PCDH15: variants seen among roughly 807,000 people sequenced by gnomAD.
PCDH15 encodes protocadherin-15.
A neutral mutation model predicts 178.5 loss-of-function variants in PCDH15; 129 were observed. The observed-to-expected ratio is 0.72, with a 90% CI of 0.63 to 0.84. PCDH15 has a LOEUF of 0.84. Ranked by LOEUF, PCDH15 falls within the 40% of genes least tolerant of loss-of-function variation. The pLI is 0.00. For synonymous variants in PCDH15, 800 were observed against 732.0 expected, an observed-to-expected ratio of 1.09 and a Z score of -1.50; for missense variants, 2,230 against 2,099.9, an observed-to-expected ratio of 1.06 and a Z score of -1.21.
intron 3 of PCDH15, among the ~76,000 whole-genome samples, chr10:54,477,555 T>C (rs1395196696): frequency 6.6e-6 from 1 of 152,192 alleles, no homozygotes; most frequent in East Asian, 1.9e-4. Flanking sequence ...TACATTCTTA[T>C]AAAGCATGTG....
intron 1 of PCDH15, among the ~76,000 whole-genome samples, chr10:54,736,800 G>T (rs1181320530): frequency 6.6e-6 from 1 of 152,056 alleles, no homozygotes; most frequent in African/African-American, 2.4e-5. Flanking sequence ...TGATTCTAGA[G>T]AATAGGGTGT....
At chr10:55,159,409 T>C (rs12782018) in intron 2 of PCDH15, among the ~76,000 whole-genome samples, 78,096 of 145,798 alleles carry the variant, frequency 0.54, 23,206 homozygotes, top group Non-Finnish European at 0.67. Context: ...ACATTATATA[T>C]ATTATAAAGA....
At chr10:54,923,930 A>G (rs1391706257) in intron 2 of PCDH15, among the ~76,000 whole-genome samples, 1 of 138,106 alleles carries the variant, frequency 7.2e-6, no homozygotes, top group Non-Finnish European at 1.7e-5. Flanking sequence ...AGGTATCTTT[A>G]TAACAAAGCC....
Position 53,991,380 on chromosome 10 carries a change from C to T in PCDH15, c.2868+4269G>A, listed in dbSNP as rs551109837. ...TGGGGTTCGTGGATGCACCAATCAG[C>T]ACTCTGTATCTAGTTAATCTGGTGG... On this transcript the variant is annotated intron_variant, in intron 21 of 37. Transcript: ENST00000644397. 3.9e-4 allele frequency among the ~76,000 whole-genome samples: 59 copies of T among 152,080 alleles called. No individual in the cohort carries two copies. The South Asian group carries it at 0.012, about 32-fold the overall frequency.
intron 2 of PCDH15, among the ~76,000 whole-genome samples, chr10:55,461,986 T>C (rs967334340): frequency 1.3e-5 from 2 of 152,120 alleles, no homozygotes; most frequent in African/African-American, 4.8e-5. Flanking sequence ...CACCCATTAA[T>C]GGTCAAGACC....
intron 2 of PCDH15, among the ~76,000 whole-genome samples, chr10:54,941,041 C>T (rs1393842327): frequency 6.6e-6 from 1 of 151,858 alleles, no homozygotes. Flanking sequence ...AGATTTATGT[C>T]TTCCATTTTA....
At chr10:55,187,861 C>A (rs1441080002) in intron 1 of PCDH15, among the ~76,000 whole-genome samples, 1 of 151,844 alleles carries the variant, frequency 6.6e-6, no homozygotes, top group East Asian at 1.9e-4. Context: ...AAAGTCATCA[C>A]AATTTGAGAG....
At chr10:55,512,154 C>T (rs1269817374) in intron 2 of PCDH15, among the ~76,000 whole-genome samples, 2 of 151,986 alleles carry the variant, frequency 1.3e-5, no homozygotes, top group Non-Finnish European at 2.9e-5. Flanking sequence ...TTTCTTAAAT[C>T]AAAATGGTGT....
At chr10:54,916,047 C>T (rs375714450) in intron 2 of PCDH15, among the ~76,000 whole-genome samples, 1 of 152,006 alleles carries the variant, frequency 6.6e-6, no homozygotes, top group Non-Finnish European at 1.5e-5. Flanking sequence ...AGGCTGGTCT[C>T]GAACTCCTGA....
At chr10:54,216,328 C>T (rs113770954) in intron 9 of PCDH15, among the ~76,000 whole-genome samples, 4,505 of 151,990 alleles carry the variant, frequency 0.03, 249 homozygotes, top group African/African-American at 0.1. Context: ...TGATGGCGCA[C>T]GCCTGTAATC....
At chr10:54,257,923 T>C (rs1322499823) in intron 8 of PCDH15, among the ~76,000 whole-genome samples, 2 of 152,168 alleles carry the variant, frequency 1.3e-5, no homozygotes, top group Non-Finnish European at 2.9e-5. Context: ...AGAGTCTCTA[T>C]TCACAGTCCT....
At chr10:55,522,416 T>C (rs544505759) in intron 2 of PCDH15, among the ~76,000 whole-genome samples, 69 of 151,960 alleles carry the variant, frequency 4.5e-4, no homozygotes, top group Middle Eastern at 3.4e-3. Flanking sequence ...AGTGGGGCAT[T>C]CAAATTCCAT....
At chr10:55,212,504 C>G (rs1840595628) in intron 1 of PCDH15, among the ~76,000 whole-genome samples, 1 of 151,920 alleles carries the variant, frequency 6.6e-6, no homozygotes, top group African/African-American at 2.4e-5. Flanking sequence ...GGGTGATACT[C>G]CAGACAATGA....
At position 55,262,166 on chromosome 10, in the gene PCDH15, G is replaced by A. The variant is rs72803827; in HGVS notation, c.-156+57433C>T. On this transcript the variant is annotated intron_variant, in intron 1 of 5. Transcript: ENST00000458638. ...GAAGGAGTGTGAGGAGAGGAGATGG[G>A]GGGAGGGAGGGAGGGAAAGGGAGTG... 1.5e-3 allele frequency among the ~76,000 whole-genome samples: 206 copies of A among 134,770 alleles called. 1 individual carries two copies. Among genetic ancestry groups the A allele is most frequent in the Non-Finnish European group, 2.9e-3 (178 of 62,084 alleles). The allele number at this position is 134,770 out of a possible 152,430, so 88.4% of individuals were successfully genotyped here. A position where few individuals can be genotyped will look rare whatever the true frequency, so the allele number is the denominator to read the frequency against.
chr10:55,330,378 A>G (rs774367286), intron 2 of PCDH15, among the ~76,000 whole-genome samples: 12 of 151,844 alleles, frequency 7.9e-5, no homozygotes, highest in Non-Finnish European at 1.3e-4. Flanking sequence ...TGTAAAGAAC[A>G]TTGTTGATAA....
At chr10:54,139,586 A>G (rs550467950) in intron 14 of PCDH15, among the ~76,000 whole-genome samples, 12 of 152,284 alleles carry the variant, frequency 7.9e-5, no homozygotes, top group African/African-American at 2.6e-4. Context: ...TCTGATAGTC[A>G]GCTCAGAATT....
intron 3 of PCDH15, among the ~76,000 whole-genome samples, chr10:54,384,544 GA>G (rs1453107340): frequency 6.6e-6 from 1 of 151,900 alleles, no homozygotes; most frequent in Admixed American, 6.6e-5. Context: ...AGTGTCTTAA[GA>G]AAAAAATCCT....
At chr10:54,837,219 T>C (rs1953332164) in intron 3 of PCDH15, among the ~76,000 whole-genome samples, 1 of 152,132 alleles carries the variant, frequency 6.6e-6, no homozygotes, top group Non-Finnish European at 1.5e-5. Flanking sequence ...TCTACGAATT[T>C]GTAGAGGAAT....
At chr10:54,740,576 G>C (rs553967711) in intron 1 of PCDH15, among the ~76,000 whole-genome samples, 6 of 151,790 alleles carry the variant, frequency 4.0e-5, no homozygotes, top group African/African-American at 1.5e-4. Context: ...CTGCAGTCTC[G>C]TGTTAATTGT....
Sources: gnomAD v4.1 joint callset for allele counts (sites outside exome capture counted in the v4.1 genomes callset) on GRCh38, gnomAD v4.1.1 for gene constraint, MANE v1.5 for transcripts, NCBI Gene and HGNC (gene_info 2026-07-23, HGNC 2026-07-21) for gene names.